Variants in POLE2 observed in about 807,000 individuals in gnomAD.
The protein encoded by POLE2 is DNA polymerase epsilon 2, accessory subunit.
A neutral mutation model predicts 79.4 loss-of-function variants in POLE2; 56 were observed. The observed-to-expected ratio is 0.71, with a 90% CI of 0.57 to 0.88. The LOEUF is 0.88. POLE2 is among the 40% of genes least tolerant of loss of function. The pLI, the probability that POLE2 is intolerant of heterozygous loss-of-function variation, is 0.00. For missense variants in POLE2, 598 were observed against 638.9 expected (o/e 0.94, Z 0.69); for synonymous variants, 212 against 214.0 (o/e 0.99, Z 0.08).
chr14:49,651,331 C>T lies in POLE2; in HGVS notation c.1258G>A (p.Val420Ile). 6.2e-7 allele frequency: 1 copy of T among 1,601,846 alleles called. No homozygotes were observed. The highest frequency in any genetic ancestry group is 8.5e-7 in the Non-Finnish European group (1 of 1,169,778). The change falls in exon 16 of 19, where the codon GTA becomes ATA. Residue 420 changes from valine (V) to isoleucine (I), a missense_variant. Physicochemically the swap from Val to Ile is conservative, Grantham distance 29. Transcript: ENST00000216367. ...ACGCAGTTTCTGCACATTTTATTTACTAAGTCTTCACGGAAGACAGTAATT... is the reference window on the plus strand; with the variant it reads ...ACGCAGTTTCTGCACATTTTATTTATTAAGTCTTCACGGAAGACAGTAATT... The part of the protein sequence containing the change: ...QEITVFREDL[V>I]NKMCRNCVRF...
rs79668343 is a variant in POLE2, at chr14:49,657,199, G to A, written c.756-1356C>T. ...TCCCCACCTAGTGGCAATACAGTAT[G>A]TGCTCAAAACATATTTCCTGAATGT... On this transcript the variant is annotated intron_variant, in intron 10 of 18. Transcript: ENST00000216367. Among the ~76,000 whole-genome samples the A allele has an allele frequency of 5.0e-3, 753 of 151,856 alleles. 5 individuals carry two copies. The highest frequency in any genetic ancestry group is 0.016 in the African/African-American group (657 of 41,382).
intron 2 of POLE2, among the ~76,000 whole-genome samples, chr14:49,682,446 G>C (rs1162999668): frequency 1.3e-5 from 2 of 151,378 alleles, no homozygotes; most frequent in Non-Finnish European, 2.9e-5. Flanking sequence ...AGACCAGCCT[G>C]GCCAACATGG....
Position 49,688,150 on chromosome 14 carries a change from G to T in POLE2, c.54C>A (p.Gly18=). 1 of 1,556,800 alleles carries T rather than the reference G, an allele frequency of 6.4e-7. No individual in the cohort carries two copies. The highest frequency in any genetic ancestry group is 8.7e-7 in the Non-Finnish European group (1 of 1,152,606). The change falls in exon 1 of 19, where the codon GGC becomes GGA. Residue 18 remains glycine, a synonymous_variant. Coordinates refer to ENST00000216367, the MANE Select transcript of POLE2 (RefSeq NM_002692.4). ...AGCCCACTCACCCACGGAGCAGCAA[G>T]CCCCGCAACTTGAAGGCGGAGAGCG... ...SRALSAFKLR[G]LLLRGEAIKY...
chr14:49,653,884 G>A, intron 15 of POLE2, 106 bp downstream of exon 15: 2 of 638,864 alleles, frequency 3.1e-6, no homozygotes, highest in Non-Finnish European at 2.8e-6. Flanking sequence ...CAAGCAACCT[G>A]CCTGCCTCGG....
intron 16 of POLE2, among the ~76,000 whole-genome samples, chr14:49,650,705 C>A (rs1458214686): frequency 6.6e-6 from 1 of 152,112 alleles, no homozygotes; most frequent in Non-Finnish European, 1.5e-5. Flanking sequence ...AAACTCCTGG[C>A]CTCAAGCAAG....
chr14:49,669,594 G>A lies in POLE2; in HGVS notation c.422C>T (p.Thr141Ile). Residue 141 changes from threonine to isoleucine, a missense_variant, in exon 6 of 19, where the codon ACC (threonine) becomes ATC (isoleucine). Coordinates refer to ENST00000216367, the MANE Select transcript of POLE2 (RefSeq NM_002692.4). Reference sequence around the variant, plus strand: ...AGGAGTAAATAATTCATGCCTGTGGGTCCTCTATAAAAAAGAAAGATTCAC... The same window carrying A: ...AGGAGTAAATAATTCATGCCTGTGGATCCTCTATAAAAAAGAAAGATTCAC... ...RERYTILHQR[T>I]HRHELFTPPV... 1 of 1,556,574 alleles carries A rather than the reference G, an allele frequency of 6.4e-7. No individual in the cohort carries two copies. The highest frequency in any genetic ancestry group is 8.9e-7 in the Non-Finnish European group (1 of 1,129,366).
At chr14:49,668,892 CCAAGCTCA>C (rs1157611144) in intron 6 of POLE2, among the ~76,000 whole-genome samples, 1 of 152,148 alleles carries the variant, frequency 6.6e-6, no homozygotes, top group Non-Finnish European at 1.5e-5. Flanking sequence ...CCTCAACCTC[CCAAGCTCA>C]AGTAATCCTC....
At chr14:49,674,096 C>G (rs1422219855) in intron 5 of POLE2, 27 bp downstream of exon 5, 1 of 1,249,558 alleles carries the variant, frequency 8.0e-7, no homozygotes, top group East Asian at 2.3e-5. Flanking sequence ...ACCCAGTATC[C>G]TCCCCTCCGC....
intron 10 of POLE2, among the ~76,000 whole-genome samples, chr14:49,660,094 T>C (rs1330377140): frequency 6.6e-6 from 1 of 152,182 alleles, no homozygotes; most frequent in East Asian, 1.9e-4. Flanking sequence ...TGTACCAATT[T>C]TATATTTTAT....
intron 1 of POLE2, 32 bp downstream of exon 1, chr14:49,688,104 T>TC (rs747137291): frequency 1.5e-5 from 23 of 1,519,130 alleles, no homozygotes; most frequent in Non-Finnish European, 2.0e-5. Flanking sequence ...AGCTCTTCCC[T>TC]CTCGCCCTTC....
At chr14:49,667,409 TAG>T (rs1298363903) in intron 6 of POLE2, among the ~76,000 whole-genome samples, 2 of 152,200 alleles carry the variant, frequency 1.3e-5, no homozygotes, top group East Asian at 3.8e-4. Flanking sequence ...GTTTAAAGAA[TAG>T]AGATATCTAT....
chr14:49,680,042 CCT>C (rs1375084024), intron 2 of POLE2, among the ~76,000 whole-genome samples: 15 of 152,250 alleles, frequency 9.9e-5, no homozygotes, highest in African/African-American at 3.1e-4. Flanking sequence ...TTTTCTAAAC[CCT>C]GTTTAGTTAT....
chr14:49,656,921 C>T (rs1233920176), intron 10 of POLE2, among the ~76,000 whole-genome samples: 1 of 151,958 alleles, frequency 6.6e-6, no homozygotes, highest in Non-Finnish European at 1.5e-5. Flanking sequence ...CCAGCCTGAC[C>T]AACATGGTGA....
intron 1 of POLE2, among the ~76,000 whole-genome samples, chr14:49,686,307 A>C (rs1216565070): frequency 1.3e-5 from 2 of 152,242 alleles, no homozygotes; most frequent in African/African-American, 4.8e-5. Flanking sequence ...CACCTCCTTG[A>C]TTAGGTTGCC....
chr14:49,645,949 A>C (rs1346558548), intron 18 of POLE2, among the ~76,000 whole-genome samples: 1 of 152,146 alleles, frequency 6.6e-6, no homozygotes, highest in East Asian at 1.9e-4. Context: ...TTTTATGTCT[A>C]CAAGTTTTAT....
chr14:49,662,190 A>G (rs982718473), intron 10 of POLE2, among the ~76,000 whole-genome samples: 1 of 152,210 alleles, frequency 6.6e-6, no homozygotes, highest in African/African-American at 2.4e-5. Flanking sequence ...TCCCTCAGTT[A>G]CTTCAACAGC....
intron 9 of POLE2, 33 bp downstream of exon 9, chr14:49,664,590 TGAG>T (rs753216222): frequency 3.0e-6 from 4 of 1,336,182 alleles, no homozygotes; most frequent in African/African-American, 1.4e-5. Context: ...TACTGGAGAA[TGAG>T]AAGAAGGACA....
chr14:49,653,792 C>T (rs971866863), intron 15 of POLE2, 198 bp downstream of exon 15: 27 of 472,170 alleles, frequency 5.7e-5, no homozygotes, highest in South Asian at 1.5e-4. Context: ...GAACCACAGG[C>T]GCGTGCCACC....
intron 5 of POLE2, among the ~76,000 whole-genome samples, chr14:49,670,386 G>T (rs1387991077): frequency 6.7e-6 from 1 of 149,334 alleles, no homozygotes; most frequent in African/African-American, 2.5e-5. Flanking sequence ...GAGTATTTAG[G>T]AAGCTATGCA....
Sources: gnomAD v4.1 joint callset for allele counts (sites outside exome capture counted in the v4.1 genomes callset) on GRCh38, gnomAD v4.1.1 for gene constraint, MANE v1.5 for transcripts, NCBI Gene and HGNC (gene_info 2026-07-23, HGNC 2026-07-21) for gene names.